CMTM7: variants seen among roughly 807,000 people sequenced by gnomAD.
CMTM7 encodes CKLF like MARVEL transmembrane domain containing 7, also known as CKLF-like MARVEL transmembrane domain-containing protein 7.
CMTM7 carries 7 observed loss-of-function variants against 19.3 expected under a neutral mutation model. The observed-to-expected ratio is 0.36, with a 90% CI of 0.21 to 0.68. The LOEUF is 0.68. Among genes scored for constraint, CMTM7 ranks in the 30% least tolerant of loss-of-function variants. The pLI is 0.60. For synonymous variants in CMTM7, 87 were observed against 99.3 expected, an observed-to-expected ratio of 0.88 and a Z score of 0.74; for missense variants, 193 against 232.6, an observed-to-expected ratio of 0.83 and a Z score of 1.11.
At chr3:32,433,188 A>G (rs946347131) in intron 1 of CMTM7, among the ~76,000 whole-genome samples, 3 of 152,232 alleles carry the variant, frequency 2.0e-5, no homozygotes, top group Admixed American at 6.5e-5. Flanking sequence ...TTGCTACACA[A>G]TAAGTGTCAA....
chr3:32,435,025 G>T (rs944150029), intron 1 of CMTM7, among the ~76,000 whole-genome samples: 1 of 152,182 alleles, frequency 6.6e-6, no homozygotes, highest in African/African-American at 2.4e-5. Context: ...ATCTCTTTTG[G>T]ATAACATTTT....
At chr3:32,442,096 C>T (rs756175081) in intron 2 of CMTM7, 83 bp downstream of exon 2, 46 of 1,304,072 alleles carry the variant, frequency 3.5e-5, no homozygotes, top group Non-Finnish European at 4.7e-5. Flanking sequence ...GAGTTTTTCC[C>T]GTCTGCCCAT....
intron 1 of CMTM7, among the ~76,000 whole-genome samples, chr3:32,404,233 C>A (rs1696057856): frequency 6.8e-6 from 1 of 147,476 alleles, no homozygotes; most frequent in African/African-American, 2.6e-5. Context: ...CAATCTCGGC[C>A]CACTGCAACC....
At position 32,441,984 on chromosome 3, in the gene CMTM7, G is replaced by C. The variant is rs765824035; in HGVS notation, c.304G>C (p.Val102Leu). The C allele has an allele frequency of 1.2e-5, 19 of 1,613,974 alleles. No homozygotes were observed. The Admixed American group carries it at 2.7e-4, about 23-fold the overall frequency. The change falls in exon 2 of 5, where the codon GTG (valine) becomes CTG (leucine). Residue 102 changes from valine to leucine, a missense_variant. Transcript: ENST00000334983. ...YLVHLFRFYR[V>L]LTCISWPLSE... Reference sequence around the variant, plus strand: ...GGTCCACCTCTTCCGCTTCTACCGCGTGCTCACCTGTATCAGCTGGCCCCT... The same window carrying C: ...GGTCCACCTCTTCCGCTTCTACCGCCTGCTCACCTGTATCAGCTGGCCCCT...
intron 2 of CMTM7, among the ~76,000 whole-genome samples, chr3:32,443,159 C>T (rs771743445): frequency 7.2e-5 from 11 of 152,098 alleles, no homozygotes; most frequent in South Asian, 4.1e-4. Context: ...AGTGCAGTGA[C>T]GTGATCGCGA....
chr3:32,437,122 C>T (rs1696609307), intron 1 of CMTM7, among the ~76,000 whole-genome samples: 1 of 152,094 alleles, frequency 6.6e-6, no homozygotes, highest in Non-Finnish European at 1.5e-5. Context: ...ACCCTCTGCT[C>T]CTTCCAAAAA....
chr3:32,413,047 TCTGGCCTGCCAC>T (rs1696203454), intron 1 of CMTM7, among the ~76,000 whole-genome samples: 1 of 152,186 alleles, frequency 6.6e-6, no homozygotes, highest in Admixed American at 6.5e-5. Context: ...ACAGACCAAA[TCTGGCCTGCCAC>T]CTGTTTTTGT....
At chr3:32,451,520 A>G (rs1298348610) in intron 3 of CMTM7, 1 of 152,986 alleles carries the variant, frequency 6.5e-6, no homozygotes, top group African/African-American at 2.4e-5. Flanking sequence ...GGGTAATCCT[A>G]GCACCCACCC....
chr3:32,402,746 T>C (rs549636125), intron 1 of CMTM7, among the ~76,000 whole-genome samples: 1 of 152,054 alleles, frequency 6.6e-6, no homozygotes, highest in Non-Finnish European at 1.5e-5. Context: ...TTTGTATTTT[T>C]ACTAGAGACA....
At chr3:32,447,971 G>T (rs956261933) in intron 2 of CMTM7, among the ~76,000 whole-genome samples, 2 of 152,032 alleles carry the variant, frequency 1.3e-5, no homozygotes, top group Non-Finnish European at 2.9e-5. Flanking sequence ...AAGTTCTAAG[G>T]CCCCTTTCAA....
chr3:32,418,925 A>G (rs1696305323), intron 1 of CMTM7, among the ~76,000 whole-genome samples: 1 of 152,242 alleles, frequency 6.6e-6, no homozygotes, highest in African/African-American at 2.4e-5. Context: ...TAACAGTAAT[A>G]AAGCCTATCA....
chr3:32,450,889 A>C (rs1696820011), intron 3 of CMTM7: 1 of 152,246 alleles, frequency 6.6e-6, no homozygotes, highest in African/African-American at 2.4e-5. Context: ...AACCTGGGCT[A>C]TGAGGAAGTT....
chr3:32,427,753 G>A (rs1047844788), intron 1 of CMTM7, among the ~76,000 whole-genome samples: 13 of 152,174 alleles, frequency 8.5e-5, no homozygotes, highest in Non-Finnish European at 1.9e-4. Flanking sequence ...ATGACCTGTA[G>A]TCTATTTCAA....
chr3:32,410,312 G>A (rs1290270211), intron 1 of CMTM7, among the ~76,000 whole-genome samples: 1 of 152,262 alleles, frequency 6.6e-6, no homozygotes, highest in Non-Finnish European at 1.5e-5. Flanking sequence ...TCACCACGGA[G>A]TGTCCAGTTC....
At chr3:32,448,068 C>G (rs926360368) in intron 2 of CMTM7, among the ~76,000 whole-genome samples, 3 of 152,108 alleles carry the variant, frequency 2.0e-5, no homozygotes, top group Non-Finnish European at 4.4e-5. Flanking sequence ...AAGGAGAGAA[C>G]AAAAGCTCAG....
intron 1 of CMTM7, among the ~76,000 whole-genome samples, chr3:32,398,590 T>C (rs889310154): frequency 2.6e-5 from 4 of 152,032 alleles, no homozygotes; most frequent in Non-Finnish European, 4.4e-5. Flanking sequence ...CTCAGTGGTA[T>C]AGAGCATATA....
At chr3:32,400,951 AGT>A (rs1306229285) in intron 1 of CMTM7, among the ~76,000 whole-genome samples, 1 of 152,184 alleles carries the variant, frequency 6.6e-6, no homozygotes, top group East Asian at 1.9e-4. Context: ...AGAGAAATGA[AGT>A]GTCTCTTGCC....
intron 2 of CMTM7, among the ~76,000 whole-genome samples, chr3:32,447,199 G>T (rs940263016): frequency 5.9e-5 from 9 of 151,798 alleles, no homozygotes; most frequent in Non-Finnish European, 1.0e-4. Flanking sequence ...GGAATATGTT[G>T]TTTAATCTCT....
rs143594389 is a variant in CMTM7, at chr3:32,446,638, G to A, written c.334-2816G>A. The stretch of plus-strand genomic sequence containing the variant: ...ATTTGATTCCCAGTGTTGGAGGTGG[G>A]GCCTAGTGGGAGGTGTTTGGATCAT... On this transcript the variant is annotated intron_variant, in intron 2 of 4. Transcript: ENST00000334983. 2.4e-4 allele frequency among the ~76,000 whole-genome samples: 37 copies of A among 152,188 alleles called. 1 individual carries two copies. In the East Asian group the frequency reaches 6.7e-3, roughly 28 times the overall value.
Sources: gnomAD v4.1 joint callset for allele counts (sites outside exome capture counted in the v4.1 genomes callset) on GRCh38, gnomAD v4.1.1 for gene constraint, MANE v1.5 for transcripts, NCBI Gene and HGNC (gene_info 2026-07-23, HGNC 2026-07-21) for gene names.